NAA15: variants seen among roughly 807,000 people sequenced by gnomAD.
The protein encoded by NAA15 is N-alpha-acetyltransferase 15, NatA auxiliary subunit, also known as N-terminal acetyltransferase.
NAA15 carries 34 observed loss-of-function variants against 114.0 expected under a neutral mutation model. The ratio of observed to expected loss-of-function variants is 0.30; its 90% confidence interval spans 0.23 to 0.40. The LOEUF (loss-of-function observed/expected upper bound fraction) is 0.40, where lower values mean the gene tolerates loss of function less well. Among genes scored for constraint, NAA15 ranks in the 10% least tolerant of loss-of-function variants. The pLI is 1.00. For missense variants in NAA15, 658 were observed against 1,004.5 expected, an observed-to-expected ratio of 0.66 and a Z score of 4.66; for synonymous variants, 340 against 338.0, an observed-to-expected ratio of 1.01 and a Z score of -0.06.
intron 1 of NAA15, among the ~76,000 whole-genome samples, chr4:139,313,632 C>T (rs141891694): frequency 2.8e-4 from 42 of 151,478 alleles, no homozygotes; most frequent in African/African-American, 9.0e-4. Context: ...GCAACCTCCG[C>T]CTCCCTGGTT....
At chr4:139,354,205 A>G in intron 10 of NAA15, 107 bp downstream of exon 10, 2 of 823,286 alleles carry the variant, frequency 2.4e-6, no homozygotes, top group South Asian at 1.7e-5. Flanking sequence ...AGCACAGTGC[A>G]TTAAATTTTT....
At chr4:139,347,356 G>T (rs1275683069) in intron 6 of NAA15, among the ~76,000 whole-genome samples, 2 of 152,146 alleles carry the variant, frequency 1.3e-5, no homozygotes, top group East Asian at 3.8e-4. Flanking sequence ...GGCTTGTAAG[G>T]CATGGTGGCT....
At chr4:139,372,436 G>A (rs1051314808) in intron 15 of NAA15, among the ~76,000 whole-genome samples, 2 of 152,218 alleles carry the variant, frequency 1.3e-5, no homozygotes, top group African/African-American at 2.4e-5. Flanking sequence ...GGCTACAAAC[G>A]GTGCTTCTGA....
chr4:139,309,525 T>G (rs1746147376), intron 1 of NAA15, among the ~76,000 whole-genome samples: 1 of 151,776 alleles, frequency 6.6e-6, no homozygotes, highest in Non-Finnish European at 1.5e-5. Context: ...ATCCTCCTGC[T>G]TCAGCCTGCC....
intron 1 of NAA15, among the ~76,000 whole-genome samples, chr4:139,304,566 A>C (rs977890851): frequency 6.6e-6 from 1 of 152,230 alleles, no homozygotes; most frequent in Non-Finnish European, 1.5e-5. Flanking sequence ...TGTATACTTT[A>C]AATATCTCTA....
chr4:139,308,173 G>A (rs1746089070), intron 1 of NAA15, among the ~76,000 whole-genome samples: 1 of 152,046 alleles, frequency 6.6e-6, no homozygotes. Context: ...GTGTTAGCCA[G>A]GATGGTCTCG....
intron 14 of NAA15, among the ~76,000 whole-genome samples, chr4:139,365,332 GC>G (rs1748248715): frequency 6.6e-6 from 1 of 151,912 alleles, no homozygotes; most frequent in Non-Finnish European, 1.5e-5. Context: ...GCCACCACAT[GC>G]GGCCTACATT....
intron 6 of NAA15, among the ~76,000 whole-genome samples, chr4:139,346,795 A>G (rs1303951478): frequency 6.6e-6 from 1 of 152,128 alleles, no homozygotes; most frequent in East Asian, 1.9e-4. Context: ...TGCTGGGATT[A>G]TAGGCGTGAG....
At position 139,301,764 on chromosome 4, in the gene NAA15, G is replaced by T; in HGVS notation, c.-14G>T. The T allele has an allele frequency of 6.4e-7, 1 of 1,566,852 alleles. No individual in the cohort carries two copies. Among genetic ancestry groups the T allele is most frequent in the African/African-American group, 1.4e-5 (1 of 73,482 alleles). The stretch of plus-strand genomic sequence containing the variant: ...AGCCGGGTGGTGGCGGGAGCAGCGG[G>T]AGCAGCCGGAACGATGCCGGCCGTG... On this transcript the variant is annotated 5_prime_UTR_variant, in exon 1 of 20. Coordinates refer to ENST00000296543, the MANE Select transcript of NAA15 (RefSeq NM_057175.5).
In NAA15 at chr4:139,375,405, A is replaced by C. The variant is rs888676268; in HGVS notation, c.1948-960A>C. Among the ~76,000 whole-genome samples the C allele has an allele frequency of 5.9e-5, 9 of 151,840 alleles. 1 individual carries two copies. Among genetic ancestry groups the C allele is most frequent in the Non-Finnish European group, 1.3e-4 (9 of 67,968 alleles). On this transcript the variant is annotated intron_variant, in intron 15 of 19. Transcript: ENST00000296543. ...TCCTGTAAGGCCTTCTGCTTTACACACTAGGACGTGGTGAATCCCATAGAA... is the reference window on the plus strand; with the variant it reads ...TCCTGTAAGGCCTTCTGCTTTACACCCTAGGACGTGGTGAATCCCATAGAA...
chr4:139,390,845 C>G lies in NAA15; in HGVS notation c.*2761C>G, dbSNP rs1262075745. On this transcript the variant is annotated 3_prime_UTR_variant, in exon 20 of 20. Transcript: ENST00000296543. The stretch of plus-strand genomic sequence containing the variant: ...GCTTTGCTGTGGGCTTTATCAGGCC[C>G]TTGTTTTTCACAGTGTTGTTTGTAC... The G allele has an allele frequency of 1.3e-5, 2 of 152,086 alleles. No homozygotes were observed. Among genetic ancestry groups the G allele is most frequent in the Admixed American group, 6.6e-5 (1 of 15,260 alleles). 9.4% of individuals were successfully genotyped at this position (152,086 alleles called of 1,614,324 possible).
chr4:139,310,777 C>T (rs1321907553), intron 1 of NAA15, among the ~76,000 whole-genome samples: 1 of 151,658 alleles, frequency 6.6e-6, no homozygotes, highest in Non-Finnish European at 1.5e-5. Flanking sequence ...TCCTACCACA[C>T]CTGGCTAATT....
intron 1 of NAA15, among the ~76,000 whole-genome samples, chr4:139,319,866 G>T (rs918355706): frequency 1.3e-5 from 2 of 152,162 alleles, no homozygotes; most frequent in Non-Finnish European, 2.9e-5. Context: ...TTACCAACAG[G>T]TTCCTAAAGC....
chr4:139,316,511 G>A (rs1343219028), intron 1 of NAA15, among the ~76,000 whole-genome samples: 1 of 151,722 alleles, frequency 6.6e-6, no homozygotes, highest in African/African-American at 2.4e-5. Context: ...CTCATTTGAG[G>A]TGTTCTTTTA....
intron 2 of NAA15, 102 bp downstream of exon 2, chr4:139,334,360 C>T: frequency 1.6e-6 from 1 of 632,906 alleles, no homozygotes; most frequent in Non-Finnish European, 2.6e-6. Flanking sequence ...GAGAACAGAC[C>T]CTCTCATCTT....
At chr4:139,301,973 C>T (rs1745780856) in intron 1 of NAA15, 142 bp downstream of exon 1, 2 of 856,746 alleles carry the variant, frequency 2.3e-6, no homozygotes, top group Non-Finnish European at 3.5e-6. Context: ...GAATGCATTG[C>T]TTTGCTCCCT....
chr4:139,317,468 A>G (rs181075947), intron 1 of NAA15, among the ~76,000 whole-genome samples: 67 of 152,324 alleles, frequency 4.4e-4, no homozygotes, highest in Non-Finnish European at 8.5e-4. Context: ...TAAGAATACA[A>G]AAATTAGCTG....
chr4:139,327,152 G>A (rs1746829489), intron 1 of NAA15, among the ~76,000 whole-genome samples: 1 of 152,092 alleles, frequency 6.6e-6, no homozygotes. Context: ...ATGCAGGCTG[G>A]TCTTGAACTC....
intron 1 of NAA15, among the ~76,000 whole-genome samples, chr4:139,332,353 A>G (rs1747041182): frequency 6.6e-6 from 1 of 151,664 alleles, no homozygotes; most frequent in Admixed American, 6.6e-5. Context: ...CTGGTCTCGA[A>G]CTTCTGACCT....
Sources: allele counts gnomAD v4.1 joint callset (sites outside exome capture counted in the v4.1 genomes callset), GRCh38; gene constraint gnomAD v4.1.1; transcripts MANE v1.5; gene names NCBI Gene and HGNC (gene_info 2026-07-23, HGNC 2026-07-21).